The following RAB11FIP4 variants were observed in gnomAD, a reference collection of about 807,000 sequenced individuals.
RAB11FIP4 encodes rab11 family-interacting protein 4.
A neutral mutation model predicts 74.3 loss-of-function variants in RAB11FIP4; 23 were observed. The observed-to-expected ratio is 0.31, with a 90% CI of 0.22 to 0.44. The LOEUF (loss-of-function observed/expected upper bound fraction) is 0.44. RAB11FIP4 is among the 20% of genes least tolerant of loss of function. The pLI, the probability that RAB11FIP4 is intolerant of heterozygous loss-of-function variation, is 1.00. For synonymous variants in RAB11FIP4, 360 were observed against 359.9 expected, an observed-to-expected ratio of 1.00 and a Z score of 0.00; for missense variants, 630 against 863.9, an observed-to-expected ratio of 0.73 and a Z score of 3.39.
intron 3 of RAB11FIP4, 58 bp downstream of exon 3, chr17:31,434,180 G>A (rs1364314564): frequency 7.2e-7 from 1 of 1,392,938 alleles, no homozygotes; most frequent in Non-Finnish European, 9.9e-7. Flanking sequence ...TCTTGGTCTT[G>A]CCTTTGCTCC....
intron 3 of RAB11FIP4, among the ~76,000 whole-genome samples, chr17:31,497,568 G>A (rs1321625138): frequency 6.6e-6 from 1 of 152,044 alleles, no homozygotes; most frequent in African/African-American, 2.4e-5. Context: ...GAGGCAGGAC[G>A]GAGAGAGAGG....
chr17:31,395,939 T>C (rs1388775198), intron 1 of RAB11FIP4, among the ~76,000 whole-genome samples: 6 of 152,002 alleles, frequency 3.9e-5, no homozygotes, highest in Non-Finnish European at 8.8e-5. Flanking sequence ...CCTAACACTT[T>C]GGGAGGCTGA....
chr17:31,467,738 C>T (rs1427528906), intron 3 of RAB11FIP4, among the ~76,000 whole-genome samples: 1 of 152,192 alleles, frequency 6.6e-6, no homozygotes, highest in Non-Finnish European at 1.5e-5. Context: ...TCCTGCCACC[C>T]ACCGCTCTCC....
chr17:31,428,243 G>A (rs2071272376), intron 1 of RAB11FIP4, among the ~76,000 whole-genome samples: 1 of 152,218 alleles, frequency 6.6e-6, no homozygotes, highest in East Asian at 1.9e-4. Context: ...AGTGACCAGG[G>A]CTTCAGACCC....
chr17:31,477,178 A>G (rs1380137526), intron 3 of RAB11FIP4, among the ~76,000 whole-genome samples: 1 of 152,242 alleles, frequency 6.6e-6, no homozygotes, highest in Admixed American at 6.5e-5. Context: ...TGGAGTTACA[A>G]GCCCTTCAGT....
chr17:31,394,912 T>C (rs969504862), intron 1 of RAB11FIP4, among the ~76,000 whole-genome samples: 8 of 115,034 alleles, frequency 7.0e-5, no homozygotes, highest in Non-Finnish European at 1.4e-4. Context: ...CGGAGTGTTG[T>C]TTTCCAGCGG....
chr17:31,411,564 T>C (rs1036490925), intron 1 of RAB11FIP4, among the ~76,000 whole-genome samples: 1 of 152,172 alleles, frequency 6.6e-6, no homozygotes, highest in South Asian at 2.1e-4. Flanking sequence ...TCCTTTCTGA[T>C]ACCCAGGACT....
At chr17:31,517,512 A>G (rs1225866798) in intron 3 of RAB11FIP4, 139 bp from the exon 4 acceptor site, 2 of 740,564 alleles carry the variant, frequency 2.7e-6, no homozygotes, top group Non-Finnish European at 4.5e-6. Context: ...AGGTGTTCCC[A>G]CGCTTAGGGT....
At chr17:31,468,066 C>T (rs983011696) in intron 3 of RAB11FIP4, among the ~76,000 whole-genome samples, 1 of 152,166 alleles carries the variant, frequency 6.6e-6, no homozygotes, top group Non-Finnish European at 1.5e-5. Flanking sequence ...TTGTAGTTTG[C>T]ACTCAGTGCT....
At chr17:31,434,437 T>G (rs1164821537) in intron 3 of RAB11FIP4, among the ~76,000 whole-genome samples, 1 of 152,178 alleles carries the variant, frequency 6.6e-6, no homozygotes, top group Non-Finnish European at 1.5e-5. Flanking sequence ...CCTTTTCTTC[T>G]GCACCATCGC....
Position 31,536,849 on chromosome 17 carries a change from G to A in RAB11FIP4, c.*5117G>A, listed in dbSNP as rs953796515. The A allele has an allele frequency of 1.5e-5, 6 of 397,548 alleles. No individual in the cohort carries two copies. The East Asian group carries it at 1.8e-4, about 12-fold the overall frequency. 24.6% of individuals were successfully genotyped at this position (397,548 alleles called of 1,614,324 possible). On this transcript the variant is annotated 3_prime_UTR_variant, in exon 15 of 15. Coordinates refer to ENST00000621161, the MANE Select transcript of RAB11FIP4 (RefSeq NM_032932.6). ...AATAGGCTGCCTTCTAGAAAGATTT[G>A]TTTCTAAAAGCGTAGACCCTGGGGA...
rs753449492 is a variant in RAB11FIP4, at chr17:31,517,889, C to A, written c.563+12C>A. On this transcript the variant is annotated intron_variant, in intron 4 of 14. Transcript: ENST00000621161. ...CTGCCAGAAGACAAGTGAGTTAAAA[C>A]CACCTGAAGCTCCATATTTGCCCTC... 1.9e-6 allele frequency: 3 copies of A among 1,544,032 alleles called. No homozygotes were observed. The highest frequency in any genetic ancestry group is 2.6e-6 in the Non-Finnish European group (3 of 1,140,480).
intron 1 of RAB11FIP4, among the ~76,000 whole-genome samples, chr17:31,399,568 C>T (rs577997149): frequency 6.6e-6 from 1 of 151,496 alleles, no homozygotes; most frequent in Non-Finnish European, 1.5e-5. Flanking sequence ...CAAAAATTAG[C>T]CGGGCGTGGT....
chr17:31,505,622 T>TATA (rs55893347), intron 3 of RAB11FIP4, among the ~76,000 whole-genome samples: 57,028 of 88,826 alleles, frequency 0.64, 19,132 homozygotes, highest in East Asian at 0.89. Context: ...ATATATAATA[T>TATA]ATAATTATAT....
At chr17:31,480,429 G>A (rs1352759942) in intron 3 of RAB11FIP4, among the ~76,000 whole-genome samples, 3 of 152,114 alleles carry the variant, frequency 2.0e-5, no homozygotes, top group Non-Finnish European at 4.4e-5. Flanking sequence ...GATAAAGTCT[G>A]GAGTAGCAGG....
rs1468337020 is a variant in RAB11FIP4 at position 31,402,604 on chromosome 17, T to TTATG, written c.159+10596_159+10597insGTAT. 2.1e-5 allele frequency among the ~76,000 whole-genome samples: 3 copies of TTATG among 144,542 alleles called. No individual in the cohort carries two copies. In the East Asian group the frequency reaches 5.9e-4, roughly 29 times the overall value. 94.8% of individuals were successfully genotyped at this position (144,542 alleles called of 152,430 possible). On this transcript the variant is annotated intron_variant, in intron 1 of 14. Coordinates refer to ENST00000621161, the MANE Select transcript of RAB11FIP4 (RefSeq NM_032932.6). ...CTCAGATTATTTTATTTATTTTTAT[T>TTATG]TATTTATTTATTTATTTATTTATTT...
In RAB11FIP4 at chr17:31,481,971, C is replaced by T. The variant is rs560590877; in HGVS notation, c.337-35680C>T. Among the ~76,000 whole-genome samples the T allele has an allele frequency of 7.0e-4, 106 of 152,134 alleles. 1 individual carries two copies. The highest frequency in any genetic ancestry group is 5.2e-3 in the Admixed American group (79 of 15,274). On this transcript the variant is annotated intron_variant, in intron 3 of 14. Coordinates refer to ENST00000621161, the MANE Select transcript of RAB11FIP4 (RefSeq NM_032932.6). ...TGGTGAAATCATCCCGGCCAGTGGA[C>T]AGTCACCAACACCGGAGTGTTTGCC...
chr17:31,442,707 C>A (rs1270938976), intron 3 of RAB11FIP4, among the ~76,000 whole-genome samples: 2 of 152,146 alleles, frequency 1.3e-5, no homozygotes, highest in Non-Finnish European at 2.9e-5. Flanking sequence ...TGCCTGTAAT[C>A]CCAGCACTTT....
chr17:31,486,674 A>G (rs759948607), intron 3 of RAB11FIP4, among the ~76,000 whole-genome samples: 1 of 152,220 alleles, frequency 6.6e-6, no homozygotes, highest in Non-Finnish European at 1.5e-5. Flanking sequence ...CTCTGCACAT[A>G]TATCTCTGAA....
Sources: allele counts gnomAD v4.1 joint callset (sites outside exome capture counted in the v4.1 genomes callset), GRCh38; gene constraint gnomAD v4.1.1; transcripts MANE v1.5; gene names NCBI Gene and HGNC (gene_info 2026-07-23, HGNC 2026-07-21).